Variants in SMIM8 observed in about 807,000 individuals in gnomAD.
SMIM8 encodes the protein small integral membrane protein 8, also known as UPF0708 protein C6orf162.
SMIM8 carries 8 observed loss-of-function variants against 8.1 expected under a neutral mutation model. That is an observed-to-expected ratio of 0.99 (90% CI 0.58 to 1.78). The LOEUF (loss-of-function observed/expected upper bound fraction) is 1.78, where lower values mean the gene tolerates loss of function less well. Ranked by LOEUF, SMIM8 falls within the 40% of genes most tolerant of loss-of-function variation. The probability of loss-of-function intolerance (pLI) is 0.00; values close to 1 mark genes in which losing one functional copy is unlikely to be tolerated. For synonymous variants in SMIM8, 45 were observed against 39.7 expected, an observed-to-expected ratio of 1.13 and a Z score of -0.50; for missense variants, 126 against 119.8, an observed-to-expected ratio of 1.05 and a Z score of -0.24.
intron 2 of SMIM8, among the ~76,000 whole-genome samples, chr6:87,331,351 G>T (rs1333117603): frequency 1.3e-5 from 2 of 152,164 alleles, no homozygotes; most frequent in African/African-American, 2.4e-5. Flanking sequence ...ATTGAAACTT[G>T]TATTAGTTTT....
chr6:87,340,393 T>C lies in SMIM8; in HGVS notation c.*119T>C, dbSNP rs1354248323. On this transcript the variant is annotated 3_prime_UTR_variant, in exon 4 of 4. Coordinates refer to ENST00000392863, the MANE Select transcript of SMIM8 (RefSeq NM_001042493.3). ...AGAACATGCTAATGAAGAGAGAAGA[T>C]AGCAGTTGCAACCAGACAACTGTCG... 2 of 1,041,964 alleles carry C rather than the reference T, an allele frequency of 1.9e-6. No homozygotes were observed. Among genetic ancestry groups the C allele is most frequent in the Non-Finnish European group, 1.2e-6 (1 of 801,366 alleles). 64.5% of individuals were successfully genotyped at this position (1,041,964 alleles called of 1,614,324 possible). A position where few individuals can be genotyped will look rare whatever the true frequency, so the allele number is the denominator to read the frequency against.
At chr6:87,336,497 C>T (rs1184189161) in intron 2 of SMIM8, among the ~76,000 whole-genome samples, 3 of 152,148 alleles carry the variant, frequency 2.0e-5, no homozygotes, top group South Asian at 2.1e-4. Context: ...AAAATGAGTT[C>T]GTGTGTGGGC....
chr6:87,323,238 C>T (rs183946249), intron 1 of SMIM8, among the ~76,000 whole-genome samples: 2 of 151,568 alleles, frequency 1.3e-5, no homozygotes, highest in East Asian at 3.9e-4. Flanking sequence ...GTACTACATC[C>T]AAGAGGTGGA....
At chr6:87,332,793 C>T (rs1276578877) in intron 2 of SMIM8, among the ~76,000 whole-genome samples, 1 of 34,884 alleles carries the variant, frequency 2.9e-5, no homozygotes, top group Non-Finnish European at 6.5e-5. Flanking sequence ...CTTTTTCAGG[C>T]CTTTGTAGTA....
At position 87,326,071 on chromosome 6, in the gene SMIM8, T is replaced by C. The variant is rs989984574; in HGVS notation, c.-45+3439T>C. On this transcript the variant is annotated intron_variant, in intron 1 of 3. Transcript: ENST00000392863. ...ATTTGCATAGAGCTGTTTGTAGTAT[T>C]CTCTGATGGTAGTTTGTATTTCTGT... Among the ~76,000 whole-genome samples the C allele has an allele frequency of 1.6e-4, 25 of 152,352 alleles. 1 individual carries two copies. Among genetic ancestry groups the C allele is most frequent in the Admixed American group, 1.2e-3 (19 of 15,294 alleles).
intron 3 of SMIM8, among the ~76,000 whole-genome samples, chr6:87,337,994 A>G (rs1234680670): frequency 1.3e-5 from 2 of 152,196 alleles, no homozygotes; most frequent in African/African-American, 2.4e-5. Flanking sequence ...AAAATAAAAT[A>G]TGATAAATAT....
At chr6:87,336,876 T>C in intron 2 of SMIM8, 133 bp from the exon 3 acceptor site, 1 of 576,356 alleles carries the variant, frequency 1.7e-6, no homozygotes, top group Non-Finnish European at 2.8e-6. Flanking sequence ...TACAAAGTAA[T>C]AAGATAACTG....
At chr6:87,334,807 C>T (rs964662386) in intron 2 of SMIM8, among the ~76,000 whole-genome samples, 4 of 152,228 alleles carry the variant, frequency 2.6e-5, no homozygotes, top group African/African-American at 9.6e-5. Flanking sequence ...AGCCAATACA[C>T]ATGCCTGAAT....
chr6:87,337,203 T>G (rs778521410), intron 3 of SMIM8, 37 bp downstream of exon 3: 3 of 1,544,426 alleles, frequency 1.9e-6, no homozygotes, highest in Non-Finnish European at 2.6e-6. Flanking sequence ...TTGTGTTTAA[T>G]CCAACCAGAC....
At position 87,342,065 on chromosome 6, in the gene SMIM8, A is replaced by T. The variant is rs1257575798; in HGVS notation, c.*1791A>T. On this transcript the variant is annotated 3_prime_UTR_variant, in exon 4 of 4. Coordinates refer to ENST00000392863, the MANE Select transcript of SMIM8 (RefSeq NM_001042493.3). Reference sequence around the variant, plus strand: ...ACTGTACAAGGTGCAGACTTGAGTCATGTAAGATCTATGTGAATGAACCAA... The same window carrying T: ...ACTGTACAAGGTGCAGACTTGAGTCTTGTAAGATCTATGTGAATGAACCAA... 1 of 152,252 alleles carries T rather than the reference A, an allele frequency of 6.6e-6. No homozygotes were observed. Among genetic ancestry groups the T allele is most frequent in the African/African-American group, 2.4e-5 (1 of 41,464 alleles). 9.4% of individuals were successfully genotyped at this position (152,252 alleles called of 1,614,324 possible). A position where few individuals can be genotyped will look rare whatever the true frequency, so the allele number is the denominator to read the frequency against.
At chr6:87,325,972 A>G (rs1049512458) in intron 1 of SMIM8, among the ~76,000 whole-genome samples, 14 of 152,192 alleles carry the variant, frequency 9.2e-5, no homozygotes, top group African/African-American at 2.9e-4. Context: ...AAGAGATTCA[A>G]CTTCTTCCTA....
intron 2 of SMIM8, among the ~76,000 whole-genome samples, chr6:87,333,434 A>C (rs898073771): frequency 4.6e-5 from 7 of 152,210 alleles, no homozygotes; most frequent in African/African-American, 9.7e-5. Flanking sequence ...ACAAGTTTTT[A>C]GCACAGGGAG....
chr6:87,335,306 G>C (rs1490147826), intron 2 of SMIM8, among the ~76,000 whole-genome samples: 1 of 152,162 alleles, frequency 6.6e-6, no homozygotes, highest in Non-Finnish European at 1.5e-5. Context: ...AGACTGTGTG[G>C]CTACAGATAG....
intron 2 of SMIM8, among the ~76,000 whole-genome samples, chr6:87,332,174 CTA>C (rs1270263864): frequency 6.6e-6 from 1 of 151,880 alleles, no homozygotes; most frequent in Non-Finnish European, 1.5e-5. Context: ...TGCTATATAA[CTA>C]TATAGTTTTT....
chr6:87,333,514 T>C (rs1484661914), intron 2 of SMIM8, among the ~76,000 whole-genome samples: 1 of 152,120 alleles, frequency 6.6e-6, no homozygotes, highest in Non-Finnish European at 1.5e-5. Flanking sequence ...AATACCTTTA[T>C]AAACACCATC....
At chr6:87,334,491 A>G (rs545787091) in intron 2 of SMIM8, among the ~76,000 whole-genome samples, 1 of 152,004 alleles carries the variant, frequency 6.6e-6, no homozygotes, top group Non-Finnish European at 1.5e-5. Context: ...GCTGTATCCA[A>G]ACAGGATACA....
chr6:87,334,952 GT>G (rs1278634206), intron 2 of SMIM8, among the ~76,000 whole-genome samples: 2 of 152,204 alleles, frequency 1.3e-5, no homozygotes, highest in Non-Finnish European at 2.9e-5. Flanking sequence ...TAGGGGTTGA[GT>G]TTTTCCCATT....
chr6:87,329,786 C>T (rs1307777632), intron 1 of SMIM8, among the ~76,000 whole-genome samples: 2 of 151,952 alleles, frequency 1.3e-5, no homozygotes, highest in African/African-American at 2.4e-5. Flanking sequence ...CCTAGGTGAT[C>T]GCACCCTCCT....
intron 3 of SMIM8, among the ~76,000 whole-genome samples, chr6:87,339,369 T>C (rs1226008663): frequency 8.5e-6 from 1 of 118,202 alleles, no homozygotes; most frequent in Non-Finnish European, 1.8e-5. Flanking sequence ...TGTGTGTGTG[T>C]GTGAAATCCT....
Sources: allele counts gnomAD v4.1 joint callset (sites outside exome capture counted in the v4.1 genomes callset), GRCh38; gene constraint gnomAD v4.1.1; transcripts MANE v1.5; gene names NCBI Gene and HGNC (gene_info 2026-07-23, HGNC 2026-07-21).